Variants in RAI14 observed in about 807,000 individuals in gnomAD.
RAI14 encodes the protein retinoic acid induced 14.
In RAI14, 45 loss-of-function variants were observed where a neutral mutation model predicts 115.4. The observed-to-expected ratio is 0.39, with a 90% confidence interval of 0.31 to 0.50. The LOEUF is 0.50. RAI14 is among the 20% of genes least tolerant of loss of function. The pLI is 0.85. For synonymous variants in RAI14, 371 were observed against 415.4 expected (o/e 0.89, Z 1.30); for missense variants, 939 against 1,131.2 (o/e 0.83, Z 2.44).
chr5:34,818,679 T>G (rs941273022), intron 12 of RAI14, 118 bp from the exon 13 acceptor site: 3 of 647,144 alleles, frequency 4.6e-6, no homozygotes, highest in Non-Finnish European at 7.6e-6. Context: ...CTAGCTGCTT[T>G]TCTAGTAGGA....
At chr5:34,679,051 C>T (rs928336787) in intron 1 of RAI14, among the ~76,000 whole-genome samples, 9 of 152,184 alleles carry the variant, frequency 5.9e-5, no homozygotes, top group African/African-American at 1.9e-4. Flanking sequence ...AGTTTCTCTC[C>T]ATTTTAGATT....
intron 12 of RAI14, among the ~76,000 whole-genome samples, chr5:34,815,566 G>C (rs1756132594): frequency 6.6e-6 from 1 of 152,016 alleles, no homozygotes; most frequent in Non-Finnish European, 1.5e-5. Flanking sequence ...CTTGTGGTGG[G>C]GAGCAGGGAC....
intron 1 of RAI14, among the ~76,000 whole-genome samples, chr5:34,679,595 C>G (rs1447013758): frequency 6.6e-6 from 1 of 152,174 alleles, no homozygotes; most frequent in East Asian, 1.9e-4. Context: ...AGGGTACTAG[C>G]TGATGATCCT....
chr5:34,741,189 G>A (rs1157980001), intron 2 of RAI14, among the ~76,000 whole-genome samples: 1 of 152,208 alleles, frequency 6.6e-6, no homozygotes, highest in African/African-American at 2.4e-5. Context: ...ACCAGGAAGG[G>A]CATGGTGGAA....
chr5:34,739,922 G>A (rs1228344209), intron 2 of RAI14, among the ~76,000 whole-genome samples: 1 of 152,134 alleles, frequency 6.6e-6, no homozygotes, highest in Non-Finnish European at 1.5e-5. Context: ...TTAGCCAGGT[G>A]TGGTGGCACA....
intron 2 of RAI14, among the ~76,000 whole-genome samples, chr5:34,724,650 A>C (rs1406327657): frequency 6.6e-6 from 1 of 152,120 alleles, no homozygotes; most frequent in Non-Finnish European, 1.5e-5. Flanking sequence ...AAGTTCAAAT[A>C]GGAAAAAAGG....
At chr5:34,792,928 A>T (rs534497729) in intron 3 of RAI14, among the ~76,000 whole-genome samples, 16 of 152,328 alleles carry the variant, frequency 1.1e-4, no homozygotes, top group Admixed American at 3.3e-4. Flanking sequence ...ATTCTGCAGC[A>T]TAATAGTTGG....
intron 3 of RAI14, among the ~76,000 whole-genome samples, chr5:34,794,277 A>C (rs1032320870): frequency 7.2e-5 from 11 of 151,974 alleles, no homozygotes; most frequent in African/African-American, 2.7e-4. Flanking sequence ...ACAAAAATCA[A>C]CTGGGTGTGG....
chr5:34,688,382 G>A, intron 2 of RAI14: 1 of 889,698 alleles, frequency 1.1e-6, no homozygotes, highest in East Asian at 2.7e-5. Flanking sequence ...ATTATTTTTA[G>A]CAAAATTTCA....
intron 5 of RAI14, among the ~76,000 whole-genome samples, chr5:34,806,610 G>T (rs1754930875): frequency 1.3e-5 from 2 of 151,970 alleles, no homozygotes; most frequent in South Asian, 4.2e-4. Context: ...GAGGAAGAGG[G>T]GTCGGGGAAG....
intron 2 of RAI14, among the ~76,000 whole-genome samples, chr5:34,694,924 AGTCTCG>A (rs1194029210): frequency 1.3e-5 from 2 of 152,004 alleles, no homozygotes; most frequent in African/African-American, 4.8e-5. Flanking sequence ...TGTGTGACAG[AGTCTCG>A]CTCTGTCACC....
chr5:34,693,484 A>G (rs1738877682), intron 2 of RAI14, among the ~76,000 whole-genome samples: 1 of 152,202 alleles, frequency 6.6e-6, no homozygotes, highest in South Asian at 2.1e-4. Flanking sequence ...AGGAGTTCTC[A>G]TGTACTGAAT....
At chr5:34,693,710 G>T (rs1015989682) in intron 2 of RAI14, among the ~76,000 whole-genome samples, 2 of 152,140 alleles carry the variant, frequency 1.3e-5, no homozygotes, top group African/African-American at 2.4e-5. Context: ...GGAGAGTGTC[G>T]CATGCTGTCA....
chr5:34,826,605 G>A, intron 16 of RAI14, 126 bp downstream of exon 16: 1 of 1,269,278 alleles, frequency 7.9e-7, no homozygotes, highest in Non-Finnish European at 1.1e-6. Flanking sequence ...GTACTTCAAT[G>A]AGCAGTTGAC....
intron 8 of RAI14, 27 bp downstream of exon 8, chr5:34,811,145 G>A (rs1755536959): frequency 1.2e-6 from 2 of 1,602,208 alleles, no homozygotes; most frequent in East Asian, 4.5e-5. Context: ...CAGAAATCAT[G>A]TGACTTCAGT....
intron 2 of RAI14, among the ~76,000 whole-genome samples, chr5:34,729,084 G>A (rs959554179): frequency 2.6e-5 from 4 of 152,110 alleles, no homozygotes; most frequent in Admixed American, 2.0e-4. Flanking sequence ...AAGCTAGTGA[G>A]GCAAGGTGTG....
At chr5:34,780,600 C>T (rs1389875765) in intron 3 of RAI14, among the ~76,000 whole-genome samples, 4 of 152,148 alleles carry the variant, frequency 2.6e-5, no homozygotes, top group Non-Finnish European at 5.9e-5. Context: ...GACATTTATG[C>T]GGCCAACAGA....
At chr5:34,732,377 AATCTT>A (rs1449325749) in intron 2 of RAI14, among the ~76,000 whole-genome samples, 1 of 152,056 alleles carries the variant, frequency 6.6e-6, no homozygotes. Context: ...AGATAGTTCT[AATCTT>A]AACTTATACA....
At chr5:34,808,799 C>A in intron 7 of RAI14, 145 bp downstream of exon 7, 1 of 743,724 alleles carries the variant, frequency 1.3e-6, no homozygotes, top group Non-Finnish European at 2.2e-6. Context: ...ATAATTTTTC[C>A]ATGGATGGGG....
Sources: gnomAD v4.1 joint callset for allele counts (sites outside exome capture counted in the v4.1 genomes callset) on GRCh38, gnomAD v4.1.1 for gene constraint, MANE v1.5 for transcripts, NCBI Gene and HGNC (gene_info 2026-07-23, HGNC 2026-07-21) for gene names.